The following ATL3 variants were observed in gnomAD, a reference collection of about 807,000 sequenced individuals.
ATL3 encodes the protein atlastin-3.
A neutral mutation model predicts 69.5 loss-of-function variants in ATL3; 49 were observed. The ratio of observed to expected loss-of-function variants is 0.71; its 90% CI spans 0.56 to 0.89. ATL3 has a LOEUF of 0.89. Ranked by LOEUF, ATL3 falls within the 40% of genes least tolerant of loss-of-function variation. The pLI, the probability that ATL3 is intolerant of heterozygous loss-of-function variation, is 0.00. For missense variants in ATL3, 606 were observed against 645.7 expected (o/e 0.94, Z 0.67); for synonymous variants, 214 against 224.1 (o/e 0.95, Z 0.40).
chr11:63,635,580 T>C lies in ATL3; in HGVS notation c.989A>G (p.Lys330Arg). Reference protein sequence around the residue: ...GLLEYFKAYIKIYQGEDLPHP... With the variant: ...GLLEYFKAYIRIYQGEDLPHP... The stretch of plus-strand genomic sequence containing the variant: ...AGGCAGATCTTCTCCTTGATAAATT[T>C]TAATATATGCCTTAAAATATAAACA... Residue 330 changes from lysine to arginine, a missense_variant, in exon 10 of 13, where the codon AAA becomes AGA. Lys to Arg is a conservative substitution (Grantham distance 26). Coordinates refer to ENST00000398868, the MANE Select transcript of ATL3 (RefSeq NM_015459.5). 1 of 1,606,772 alleles carries C rather than the reference T, an allele frequency of 6.2e-7. No homozygotes were observed. The highest frequency in any genetic ancestry group is 8.5e-7 in the Non-Finnish European group (1 of 1,173,656).
intron 10 of ATL3, among the ~76,000 whole-genome samples, chr11:63,634,769 T>C (rs1012774860): frequency 1.3e-5 from 2 of 151,958 alleles, no homozygotes; most frequent in Admixed American, 6.6e-5. Flanking sequence ...CCTGTAATCT[T>C]AGCACTTCGG....
At chr11:63,636,131 TAAATTC>T in intron 9 of ATL3, 70 bp downstream of exon 9, 1 of 1,547,800 alleles carries the variant, frequency 6.5e-7, no homozygotes. Flanking sequence ...TCAAAATATT[TAAATTC>T]AAGTTGATTT....
At position 63,624,939 on chromosome 11, in the gene ATL3, G is replaced by T. The variant is rs1939055279; in HGVS notation, c.*4380C>A. The T allele has an allele frequency of 6.6e-6, 1 of 151,976 alleles. No homozygotes were observed. The highest frequency in any genetic ancestry group is 1.5e-5 in the Non-Finnish European group (1 of 68,006). The allele number at this position is 151,976 out of a possible 1,614,324, so 9.4% of individuals were successfully genotyped here. A position where few individuals can be genotyped will look rare whatever the true frequency, so the allele number is the denominator to read the frequency against. ...TTCGATGAAGCAGTCTCTCTCTGTG[G>T]TCTCTGAACCACTATTTATAAAAGT... On this transcript the variant is annotated 3_prime_UTR_variant, in exon 13 of 13. Transcript: ENST00000398868.
chr11:63,634,038 C>CAAAAAA (rs1158615731), intron 10 of ATL3, among the ~76,000 whole-genome samples: 15 of 76,084 alleles, frequency 2.0e-4, no homozygotes, highest in African/African-American at 3.8e-4. Context: ...CTGTCTCAAA[C>CAAAAAA]AAAAAAAAAA....
chr11:63,643,813 C>T (rs145420466), intron 7 of ATL3, among the ~76,000 whole-genome samples: 94 of 152,046 alleles, frequency 6.2e-4, no homozygotes, highest in African/African-American at 1.9e-3. Flanking sequence ...TTTGGGGGAA[C>T]AGGTTAGGCC....
rs1590712072 is a variant in ATL3, at chr11:63,627,083, G to A, written c.*2236C>T. The A allele has an allele frequency of 6.6e-6, 1 of 152,140 alleles. No individual in the cohort carries two copies. The highest frequency in any genetic ancestry group is 2.4e-5 in the African/African-American group (1 of 41,524). The allele number at this position is 152,140 out of a possible 1,614,324, so 9.4% of individuals were successfully genotyped here. A position where few individuals can be genotyped will look rare whatever the true frequency, so the allele number is the denominator to read the frequency against. ...ATCATACATTATCACTTTTTTTAAA[G>A]TGACCTAATACTTTAGTATGAGTTT... On this transcript the variant is annotated 3_prime_UTR_variant, in exon 13 of 13. Transcript: ENST00000398868.
chr11:63,641,027 G>T (rs1174667783), intron 8 of ATL3, among the ~76,000 whole-genome samples: 4 of 152,158 alleles, frequency 2.6e-5, no homozygotes, highest in Non-Finnish European at 5.9e-5. Flanking sequence ...TCATAAAGAT[G>T]ATCATTTATT....
At position 63,659,178 on chromosome 11, in the gene ATL3, G is replaced by C; in HGVS notation, c.121C>G (p.Leu41Val). The C allele has an allele frequency of 6.2e-7, 1 of 1,614,092 alleles. No individual in the cohort carries two copies. ...ATGCTGGCCAAGGCTTTCTCATCTA[G>C]CTCAAAGGAATGTTGATCTTTCTGA... ...LVQKDQHSFELDEKALASILL... is the reference protein window; with the variant it reads ...LVQKDQHSFEVDEKALASILL... The change falls in exon 2 of 13, where the codon CTA (leucine) becomes GTA (valine). Residue 41 changes from leucine (L) to valine (V), a missense_variant. Physicochemically the swap from Leu to Val is conservative, Grantham distance 32. Coordinates refer to ENST00000398868, the MANE Select transcript of ATL3 (RefSeq NM_015459.5).
chr11:63,651,378 C>G lies in ATL3; in HGVS notation c.561+558G>C, dbSNP rs771787798. On this transcript the variant is annotated intron_variant, in intron 5 of 12. Coordinates refer to ENST00000398868, the MANE Select transcript of ATL3 (RefSeq NM_015459.5). ...CCAAGATTGCATCATTGCACTCCAG[C>G]CTGGGGACAAGAGCAAGACTTCGTC... Among the ~76,000 whole-genome samples, 3 of 151,802 alleles carry G rather than the reference C, an allele frequency of 2.0e-5. No homozygotes were observed. The South Asian group carries it at 6.2e-4, about 32-fold the overall frequency.
Position 63,659,140 on chromosome 11 carries a change from G to C in ATL3, c.159C>G (p.Asp53Glu). Residue 53 changes from aspartate to glutamate, a missense_variant, in exon 2 of 13, where the codon GAC becomes GAG. Asp to Glu is a conservative substitution (Grantham distance 45). Transcript: ENST00000398868. The part of the protein sequence containing the change: ...EKALASILLQ[D>E]HIRDLDVVVV... Reference sequence around the variant, plus strand: ...CCACCACATCAAGATCTCGGATGTGGTCCTGCAAGAGGATGCTGGCCAAGG... The same window carrying C: ...CCACCACATCAAGATCTCGGATGTGCTCCTGCAAGAGGATGCTGGCCAAGG... 2 of 1,614,072 alleles carry C rather than the reference G, an allele frequency of 1.2e-6. No homozygotes were observed. The highest frequency in any genetic ancestry group is 1.7e-6 in the Non-Finnish European group (2 of 1,180,028).
At position 63,658,787 on chromosome 11, in the gene ATL3, T is replaced by C. The variant is rs1273227820; in HGVS notation, c.379A>G (p.Thr127Ala). Reference protein sequence around the residue: ...TGIQIWSEVFTVEKPGGKKVA... With the variant: ...TGIQIWSEVFAVEKPGGKKVA... ...TTCTTCCCACCTGGCTTCTCCACAG[T>C]GAAAACTTCACTCCAGATTTGAATC... The change falls in exon 3 of 13, where the codon ACT (threonine) becomes GCT (alanine). Residue 127 changes from threonine to alanine, a missense_variant. By Grantham distance (58) the Thr-to-Ala change is moderately conservative. Coordinates refer to ENST00000398868, the MANE Select transcript of ATL3 (RefSeq NM_015459.5). 1 of 1,608,354 alleles carries C rather than the reference T, an allele frequency of 6.2e-7. No individual in the cohort carries two copies. The highest frequency in any genetic ancestry group is 1.1e-5 in the South Asian group (1 of 89,188).
Position 63,657,208 on chromosome 11 carries a change from CA to C in ATL3, c.405+1552del, listed in dbSNP as rs1254213240. On this transcript the variant is annotated intron_variant, in intron 3 of 12. Coordinates refer to ENST00000398868, the MANE Select transcript of ATL3 (RefSeq NM_015459.5). ...TGGGCAACAGAGTGAGACTACATCT[CA>C]AAAAAAAAAAAAAAAAAAGGACAAA... Among the ~76,000 whole-genome samples the C allele has an allele frequency of 9.9e-3, 591 of 59,910 alleles. 2 individuals carry two copies. The highest frequency in any genetic ancestry group is 0.03 in the African/African-American group (470 of 15,594). 39.3% of individuals were successfully genotyped at this position (59,910 alleles called of 152,430 possible).
chr11:63,664,356 T>C (rs961163033), intron 1 of ATL3, among the ~76,000 whole-genome samples: 1 of 151,954 alleles, frequency 6.6e-6, no homozygotes. Flanking sequence ...CTGGCCAACA[T>C]GGTGAAACCC....
chr11:63,635,874 A>C (rs1481780226), intron 9 of ATL3, among the ~76,000 whole-genome samples: 1 of 147,952 alleles, frequency 6.8e-6, no homozygotes, highest in Non-Finnish European at 1.5e-5. Context: ...ATCCGCCTTG[A>C]GGTAGTCGTG....
chr11:63,625,967 A>G lies in ATL3; in HGVS notation c.*3352T>C, dbSNP rs1054737563. ...ACTGCACTTCAGCCTGGGTGACAGT[A>G]CAAGAGTCCGTCTCAAAAAAAAAAA... On this transcript the variant is annotated 3_prime_UTR_variant, in exon 13 of 13. Coordinates refer to ENST00000398868, the MANE Select transcript of ATL3 (RefSeq NM_015459.5). 1.3e-5 allele frequency: 2 copies of G among 152,112 alleles called. No homozygotes were observed. The highest frequency in any genetic ancestry group is 4.2e-4 in the South Asian group (2 of 4,818). The allele number at this position is 152,112 out of a possible 1,614,324, so 9.4% of individuals were successfully genotyped here.
At chr11:63,671,628 C>T (rs1590752089), upstream of ATL3, 8 of 1,422,500 alleles carry the variant, frequency 5.6e-6, no homozygotes, top group Non-Finnish European at 7.4e-6. Flanking sequence ...AAGCGAGCCG[C>T]CGGGTACCTG....
intron 1 of ATL3, among the ~76,000 whole-genome samples, chr11:63,664,768 C>G (rs941605587): frequency 6.6e-6 from 1 of 151,380 alleles, no homozygotes; most frequent in Admixed American, 6.6e-5. Flanking sequence ...CCTCCATGCC[C>G]GGCTAATTTT....
chr11:63,636,073 G>T, intron 9 of ATL3, 134 bp downstream of exon 9: 2 of 1,100,722 alleles, frequency 1.8e-6, no homozygotes, highest in Non-Finnish European at 2.6e-6. Context: ...AGGACACCAA[G>T]GTCTCTGAAA....
intron 12 of ATL3, 70 bp from the exon 13 acceptor site, chr11:63,629,475 A>C: frequency 7.6e-7 from 1 of 1,312,778 alleles, no homozygotes; most frequent in Non-Finnish European, 1.1e-6. Context: ...GTAAGTCCTT[A>C]AACTTTCAAA....
Sources: gnomAD v4.1 joint callset for allele counts (sites outside exome capture counted in the v4.1 genomes callset) on GRCh38, gnomAD v4.1.1 for gene constraint, MANE v1.5 for transcripts, NCBI Gene and HGNC (gene_info 2026-07-23, HGNC 2026-07-21) for gene names.